Variants in DLGAP2 observed in about 807,000 individuals in gnomAD.
DLGAP2 encodes disks large-associated protein 2.
DLGAP2 carries 26 observed loss-of-function variants against 100.3 expected under a neutral mutation model. The ratio of observed to expected loss-of-function variants is 0.26; its 90% CI spans 0.19 to 0.36. The LOEUF (loss-of-function observed/expected upper bound fraction) is 0.36. Ranked by LOEUF, DLGAP2 falls within the 10% of genes least tolerant of loss-of-function variation. The pLI is 1.00. For synonymous variants in DLGAP2, 886 were observed against 630.1 expected, an observed-to-expected ratio of 1.41 and a Z score of -6.08; for missense variants, 1,858 against 1,453.2, an observed-to-expected ratio of 1.28 and a Z score of -4.53.
chr8:1,415,892 G>C (rs1030023136), intron 3 of DLGAP2, among the ~76,000 whole-genome samples: 3 of 152,206 alleles, frequency 2.0e-5, no homozygotes, highest in Non-Finnish European at 2.9e-5. Flanking sequence ...GCTTTCCATA[G>C]TGGCTGAGCT....
At chr8:1,546,994 C>A (rs956058410) in intron 4 of DLGAP2, among the ~76,000 whole-genome samples, 3 of 152,128 alleles carry the variant, frequency 2.0e-5, no homozygotes, top group Admixed American at 2.0e-4. Flanking sequence ...GGGTCTTTGG[C>A]CTCGAGGACG....
At chr8:1,636,656 G>T (rs1217725975) in intron 8 of DLGAP2, among the ~76,000 whole-genome samples, 1 of 152,192 alleles carries the variant, frequency 6.6e-6, no homozygotes, top group East Asian at 1.9e-4. Flanking sequence ...TTGTCACAAA[G>T]AGTGGATTTT....
chr8:1,425,670 C>T (rs1797218839), intron 3 of DLGAP2, among the ~76,000 whole-genome samples: 1 of 152,180 alleles, frequency 6.6e-6, no homozygotes, highest in Non-Finnish European at 1.5e-5. Context: ...CTGAGACTGC[C>T]CTGATGGCAA....
chr8:1,310,336 A>G (rs1295062167), intron 3 of DLGAP2, among the ~76,000 whole-genome samples: 1 of 152,360 alleles, frequency 6.6e-6, no homozygotes, highest in African/African-American at 2.4e-5. Flanking sequence ...TTAAATATAT[A>G]TGTACCAAAA....
At chr8:1,215,435 C>A (rs112337255) in intron 2 of DLGAP2, among the ~76,000 whole-genome samples, 1 of 150,268 alleles carries the variant, frequency 6.7e-6, no homozygotes, top group African/African-American at 2.5e-5. Flanking sequence ...GTCCAGGTAC[C>A]TGGATGGGTT....
At chr8:1,081,542 G>C (rs1040576734) in intron 2 of DLGAP2, among the ~76,000 whole-genome samples, 4 of 152,156 alleles carry the variant, frequency 2.6e-5, no homozygotes, top group African/African-American at 9.7e-5. Context: ...AGTAGAGACA[G>C]GTTTCTCCAT....
chr8:1,047,633 C>T (rs572259025), intron 2 of DLGAP2, among the ~76,000 whole-genome samples: 2 of 152,144 alleles, frequency 1.3e-5, no homozygotes, highest in Admixed American at 6.5e-5. Context: ...CAGTGTCCAG[C>T]GACAGCCACT....
Position 1,184,053 on chromosome 8 carries a change from T to C in DLGAP2, c.74-74798T>C, listed in dbSNP as rs556377869. Among the ~76,000 whole-genome samples the C allele has an allele frequency of 5.9e-5, 9 of 152,340 alleles. No homozygotes were observed. The South Asian group carries it at 1.9e-3, about 32-fold the overall frequency. On this transcript the variant is annotated intron_variant, in intron 2 of 14. Coordinates refer to ENST00000637795, the MANE Select transcript of DLGAP2 (RefSeq NM_001346810.2). ...ATGATGGTCATAGAACTCAGACAGC[T>C]GAAAGGCTTTGGGGAAGCAGTGTGT...
chr8:917,513 C>T (rs1798619992), intron 2 of DLGAP2, among the ~76,000 whole-genome samples: 2 of 152,154 alleles, frequency 1.3e-5, no homozygotes, highest in Non-Finnish European at 2.9e-5. Context: ...GCTGGAATTA[C>T]AGGTGCGAGC....
intron 2 of DLGAP2, chr8:1,019,013 G>A (rs1801552960): frequency 6.6e-6 from 1 of 152,086 alleles, no homozygotes; most frequent in Non-Finnish European, 1.5e-5. Context: ...TGACACCGTG[G>A]GGCCATAGGA....
intron 1 of DLGAP2, among the ~76,000 whole-genome samples, chr8:847,195 G>C (rs1797086816): frequency 6.6e-6 from 1 of 152,124 alleles, no homozygotes; most frequent in African/African-American, 2.4e-5. Flanking sequence ...GCTGCTTCTT[G>C]ACACAATTCA....
At chr8:1,527,344 G>A (rs1193835545) in intron 4 of DLGAP2, among the ~76,000 whole-genome samples, 1 of 152,242 alleles carries the variant, frequency 6.6e-6, no homozygotes, top group African/African-American at 2.4e-5. Flanking sequence ...TCCGGGAGGG[G>A]CCACCTGGCA....
chr8:1,378,275 T>A (rs1398398698), intron 3 of DLGAP2, among the ~76,000 whole-genome samples: 1 of 133,008 alleles, frequency 7.5e-6, no homozygotes, highest in African/African-American at 2.8e-5. Context: ...TTCGCCTGTC[T>A]GTCCTGCACA....
In DLGAP2 at chr8:1,129,037, A is replaced by G. The variant is rs1030678002; in HGVS notation, c.74-129814A>G. 2.0e-5 allele frequency among the ~76,000 whole-genome samples: 3 copies of G among 152,342 alleles called. No homozygotes were observed. The South Asian group carries it at 6.2e-4, about 32-fold the overall frequency. On this transcript the variant is annotated intron_variant, in intron 2 of 14. Coordinates refer to ENST00000637795, the MANE Select transcript of DLGAP2 (RefSeq NM_001346810.2). ...ATGTGTTTTCAGTAACAAGAAATCA[A>G]AACAAACTCACAATTCCACTTCATG...
chr8:1,644,735 G>T (rs1798001987), intron 8 of DLGAP2, among the ~76,000 whole-genome samples: 1 of 152,152 alleles, frequency 6.6e-6, no homozygotes, highest in Non-Finnish European at 1.5e-5. Flanking sequence ...CCATGGCAGA[G>T]AATTATGTTT....
chr8:1,164,803 A>C (rs1352820561), intron 2 of DLGAP2, among the ~76,000 whole-genome samples: 1 of 152,030 alleles, frequency 6.6e-6, no homozygotes, highest in Non-Finnish European at 1.5e-5. Flanking sequence ...CTGCGTGTGG[A>C]AAGTGTGCGT....
chr8:915,513 C>G (rs1279018250), intron 2 of DLGAP2, among the ~76,000 whole-genome samples: 2 of 151,436 alleles, frequency 1.3e-5, no homozygotes, highest in Non-Finnish European at 2.9e-5. Context: ...CACCACTGCA[C>G]TCCAGCCTGG....
chr8:1,248,504 G>A (rs67981688), intron 2 of DLGAP2: 98 of 5,172 alleles, frequency 0.019, 35 homozygotes, highest in African/African-American at 0.061. Context: ...GTGTGGGAGT[G>A]ATGGTCCATG....
At chr8:1,329,230 A>G (rs1247832816) in intron 3 of DLGAP2, among the ~76,000 whole-genome samples, 1 of 152,232 alleles carries the variant, frequency 6.6e-6, no homozygotes, top group Non-Finnish European at 1.5e-5. Context: ...GTCAGTCTTT[A>G]AAAGTATCTT....
Sources: gnomAD v4.1 joint callset for allele counts (sites outside exome capture counted in the v4.1 genomes callset) on GRCh38, gnomAD v4.1.1 for gene constraint, MANE v1.5 for transcripts, NCBI Gene and HGNC (gene_info 2026-07-23, HGNC 2026-07-21) for gene names.